UQCRC1: variants seen among roughly 807,000 people sequenced by gnomAD.
UQCRC1 encodes ubiquinol-cytochrome c reductase core protein 1.
In UQCRC1, 34 loss-of-function variants were observed where a neutral mutation model predicts 58.0. That is an observed-to-expected ratio of 0.59 (90% CI 0.45 to 0.78). UQCRC1 has a LOEUF of 0.78. UQCRC1 is among the 30% of genes least tolerant of loss of function. The probability of loss-of-function intolerance (pLI) is 0.00; values close to 1 mark genes in which losing one functional copy is unlikely to be tolerated. For missense variants in UQCRC1, 610 were observed against 646.0 expected (o/e 0.94, Z 0.60); for synonymous variants, 276 against 248.8 (o/e 1.11, Z -1.03).
At chr3:48,600,210 C>G in intron 10 of UQCRC1, 59 bp from the exon 11 acceptor site, 1 of 1,570,048 alleles carries the variant, frequency 6.4e-7, no homozygotes, top group Non-Finnish European at 8.8e-7. Flanking sequence ...CCCACAGGTA[C>G]ACAAACAATC....
At chr3:48,601,778 T>A (rs2046368325) in intron 6 of UQCRC1, among the ~76,000 whole-genome samples, 1 of 152,126 alleles carries the variant, frequency 6.6e-6, no homozygotes, top group African/African-American at 2.4e-5. Context: ...TCCACCTACA[T>A]CAAGGACAAG....
In UQCRC1 at chr3:48,604,692, G is replaced by C; in HGVS notation, c.386C>G (p.Thr129Arg). The C allele has an allele frequency of 1.2e-6, 2 of 1,614,156 alleles. No homozygotes were observed. The highest frequency in any genetic ancestry group is 1.7e-6 in the Non-Finnish European group (2 of 1,180,026). ...GGACAGCGCCTTGATGTAGTAAGCT[G>C]TGTGCTCCCGGGTGCTGTAGGCATT... ...HLNAYSTREHTAYYIKALSKD... is the reference protein window; with the variant it reads ...HLNAYSTREHRAYYIKALSKD... The change falls in exon 4 of 13, where the codon ACA (threonine) becomes AGA (arginine). Residue 129 changes from threonine (T) to arginine (R), a missense_variant. Thr to Arg is a moderately conservative substitution (Grantham distance 71). Transcript: ENST00000203407.
intron 1 of UQCRC1, 61 bp from the exon 2 acceptor site, chr3:48,609,363 G>C: frequency 6.4e-7 from 1 of 1,564,334 alleles, no homozygotes; most frequent in South Asian, 1.1e-5. Context: ...CACCTCCCAG[G>C]TCCTCAGGAG....
Position 48,609,162 on chromosome 3 carries a change from C to T in UQCRC1, c.210G>A (p.Thr70=). The T allele has an allele frequency of 6.9e-6, 11 of 1,603,762 alleles. 1 individual carries two copies. Among genetic ancestry groups the T allele is most frequent in the South Asian group, 3.3e-5 (3 of 90,684 alleles). The stretch of plus-strand genomic sequence containing the variant: ...CTCCCCAAAAGCGTCCCCAACTCAC[C>T]GTGCAAGTGGGCTGAGAGGACTGCT... ...ASEQSSQPTC[T]VGVWIDVGSR... Residue 70 remains threonine, a splice_region_variant and synonymous_variant, in exon 2 of 13, where the codon ACG becomes ACA. Coordinates refer to ENST00000203407, the MANE Select transcript of UQCRC1 (RefSeq NM_003365.3).
At chr3:48,603,427 G>T (rs965776876) in intron 6 of UQCRC1, 137 bp downstream of exon 6, 6 of 779,348 alleles carry the variant, frequency 7.7e-6, no homozygotes, top group African/African-American at 1.7e-5. Flanking sequence ...ACAGGAGGAA[G>T]GTCATTCCCC....
rs1435421582 is a variant in UQCRC1 at position 48,609,246 on chromosome 3, G to C, written c.126C>G (p.Leu42=). 4 of 1,612,688 alleles carry C rather than the reference G, an allele frequency of 2.5e-6. No homozygotes were observed. Among genetic ancestry groups the C allele is most frequent in the Admixed American group, 3.3e-5 (2 of 59,998 alleles). ...LRSTATFAQA[L]QFVPETQVSL... ...TAACCTGCGTCTCCGGCACGAACTG[G>C]AGCGCCTGAGCGAAGGTTGCCGTAC... Residue 42 remains leucine (L), a synonymous_variant, in exon 2 of 13, where the codon CTC becomes CTG. Coordinates refer to ENST00000203407, the MANE Select transcript of UQCRC1 (RefSeq NM_003365.3).
Position 48,599,103 on chromosome 3 carries a change from C to T in UQCRC1, c.*25G>A, listed in dbSNP as rs745641564. The T allele has an allele frequency of 5.6e-6, 9 of 1,611,580 alleles. No individual in the cohort carries two copies. The highest frequency in any genetic ancestry group is 3.3e-5 in the Admixed American group (2 of 59,828). ...GGGGGACCACAAACCCCGGCCCTGCCCTCTTGCTTACATAGGCTTCCCGCC... is the reference window on the plus strand; with the variant it reads ...GGGGGACCACAAACCCCGGCCCTGCTCTCTTGCTTACATAGGCTTCCCGCC... On this transcript the variant is annotated 3_prime_UTR_variant, in exon 13 of 13. Transcript: ENST00000203407.
chr3:48,599,603 TAAAC>T (rs1466910137), intron 12 of UQCRC1, 28 bp downstream of exon 12: 3 of 1,611,372 alleles, frequency 1.9e-6, no homozygotes, highest in Non-Finnish European at 2.5e-6. Context: ...CCTGAGGAAA[TAAAC>T]AAAGAGCAGA....
In UQCRC1 at chr3:48,600,991, G is replaced by A. The variant is rs751282347; in HGVS notation, c.950C>T (p.Thr317Ile). 3.1e-6 allele frequency: 5 copies of A among 1,605,778 alleles called. No homozygotes were observed. Among genetic ancestry groups the A allele is most frequent in the African/African-American group, 1.3e-5 (1 of 74,818 alleles). The change falls in exon 8 of 13, where the codon ACT becomes ATT. Residue 317 changes from threonine to isoleucine, a missense_variant. By Grantham distance (89) the Thr-to-Ile change is moderately conservative. Coordinates refer to ENST00000203407, the MANE Select transcript of UQCRC1 (RefSeq NM_003365.3). The stretch of plus-strand genomic sequence containing the variant: ...GGCACTCACCACGCCACCACCATAA[G>A]TGCAGTCATAGTGGCCGATGATGGC... ...ANAIIGHYDCTYGGGVHLSSP... is the reference protein window; with the variant it reads ...ANAIIGHYDCIYGGGVHLSSP...
chr3:48,607,531 C>T lies in UQCRC1; in HGVS notation c.210+1631G>A, dbSNP rs111904182. 7.3e-3 allele frequency among the ~76,000 whole-genome samples: 1,103 copies of T among 150,866 alleles called. 13 individuals carry two copies. The highest frequency in any genetic ancestry group is 0.025 in the African/African-American group (1,045 of 41,210). On this transcript the variant is annotated intron_variant, in intron 2 of 12. Coordinates refer to ENST00000203407, the MANE Select transcript of UQCRC1 (RefSeq NM_003365.3). ...GTACAAGCACAATTTTTAGAAATTT[C>T]TATCCACACCTGAAACTCCATTTTT...
At chr3:48,609,376 CCCCCGAA>C in intron 1 of UQCRC1, 74 bp from the exon 2 acceptor site, 1 of 1,546,706 alleles carries the variant, frequency 6.5e-7, no homozygotes. Flanking sequence ...CTCAGGAGGA[CCCCCGAA>C]CCCCGCCCCT....
intron 2 of UQCRC1, among the ~76,000 whole-genome samples, chr3:48,606,577 T>A (rs545669677): frequency 1.3e-5 from 2 of 152,176 alleles, no homozygotes; most frequent in Admixed American, 1.3e-4. Flanking sequence ...TGAAACCCTG[T>A]CTCTACTAAA....
intron 8 of UQCRC1, 38 bp downstream of exon 8, chr3:48,600,937 C>T (rs1379826357): frequency 1.9e-6 from 3 of 1,601,858 alleles, no homozygotes; most frequent in Non-Finnish European, 2.6e-6. Context: ...ACCCTCTCTT[C>T]CCTGAAGGCG....
At chr3:48,609,136 T>G in intron 2 of UQCRC1, 26 bp downstream of exon 2, 2 of 1,584,076 alleles carry the variant, frequency 1.3e-6, no homozygotes, top group Non-Finnish European at 1.7e-6. Context: ...CTGGAGGCCC[T>G]CTCCCCAAAA....
chr3:48,599,130 A>G lies in UQCRC1; in HGVS notation c.1441T>C (p.Ter481GlnextTer28), dbSNP rs749964377. The change falls in exon 13 of 13, where the codon TAG becomes CAG. Residue 481 changes from the stop codon to glutamine, a stop_lost. Coordinates refer to ENST00000203407, the MANE Select transcript of UQCRC1 (RefSeq NM_003365.3). Reference sequence around the variant, plus strand: ...TCTTGCTTACATAGGCTTCCCGCCTAGAAGCGCAGCCAGAACATGCCGCTA... The same window carrying G: ...TCTTGCTTACATAGGCTTCCCGCCTGGAAGCGCAGCCAGAACATGCCGCTA... ...IRSGMFWLRF* is the reference protein window; with the variant it reads ...IRSGMFWLRFQ The G allele has an allele frequency of 6.2e-7, 1 of 1,612,240 alleles. No individual in the cohort carries two copies.
rs201911056 is a variant in UQCRC1 at position 48,601,115 on chromosome 3, G to T, written c.826C>A (p.Arg276Ser). 5.6e-6 allele frequency: 9 copies of T among 1,598,934 alleles called. No homozygotes were observed. Among genetic ancestry groups the T allele is most frequent in the Non-Finnish European group, 7.7e-6 (9 of 1,169,246 alleles). ...AAAGGTAGAGCATCATCACGGTGGC[G>T]GATCTGAAACAGTACATGACAAGGC... is the stretch of plus-strand genomic sequence containing the variant. ...TPCRFTGSEI[R>S]HRDDALPFAH... is the part of the protein sequence containing the mutation. The change falls in exon 8 of 13, where the codon CGC becomes AGC. Residue 276 changes from arginine (R) to serine (S), a missense_variant. Physicochemically the swap from Arg to Ser is moderately radical, Grantham distance 110 (BLOSUM62 -1). Transcript: ENST00000203407.
At chr3:48,608,844 C>A (rs917370372) in intron 2 of UQCRC1, among the ~76,000 whole-genome samples, 1 of 152,218 alleles carries the variant, frequency 6.6e-6, no homozygotes, top group African/African-American at 2.4e-5. Flanking sequence ...CCTAAGGTGT[C>A]TGAATCCCAT....
intron 12 of UQCRC1, 67 bp downstream of exon 12, chr3:48,599,568 G>T: frequency 1.3e-6 from 2 of 1,559,252 alleles, no homozygotes. Context: ...GGGAGCAGAG[G>T]TGGAAGGGGA....
At chr3:48,600,347 A>G in intron 10 of UQCRC1, 135 bp downstream of exon 10, 3 of 1,181,734 alleles carry the variant, frequency 2.5e-6, no homozygotes, top group Non-Finnish European at 3.7e-6. Flanking sequence ...TGCATCTCCA[A>G]GGGTGGGGTG....
Sources: gnomAD v4.1 joint callset for allele counts (sites outside exome capture counted in the v4.1 genomes callset) on GRCh38, gnomAD v4.1.1 for gene constraint, MANE v1.5 for transcripts, NCBI Gene and HGNC (gene_info 2026-07-23, HGNC 2026-07-21) for gene names.